Variants in MYO18B observed in about 807,000 individuals in gnomAD.
MYO18B encodes myosin XVIIIB, also known as unconventional myosin-XVIIIb.
Under a neutral mutation model 273.0 loss-of-function variants are expected in MYO18B, and 204 were observed. The observed-to-expected ratio is 0.75, with a 90% CI of 0.67 to 0.84. The LOEUF (loss-of-function observed/expected upper bound fraction) is 0.84. MYO18B is among the 40% of genes least tolerant of loss of function. MYO18B has a pLI of 0.00. For synonymous variants in MYO18B, 1,330 were observed against 1,305.7 expected, an observed-to-expected ratio of 1.02 and a Z score of -0.40; for missense variants, 3,212 against 3,287.6, an observed-to-expected ratio of 0.98 and a Z score of 0.56.
At chr22:25,760,753 A>G (rs993713816) in intron 1 of MYO18B, among the ~76,000 whole-genome samples, 10 of 152,218 alleles carry the variant, frequency 6.6e-5, no homozygotes, top group African/African-American at 2.4e-4. Context: ...TTCTGGTTGT[A>G]TAAACGTGTG....
intron 34 of MYO18B, among the ~76,000 whole-genome samples, chr22:25,922,686 G>C (rs1035194708): frequency 8.5e-5 from 13 of 152,102 alleles, no homozygotes; most frequent in Non-Finnish European, 2.9e-5. Context: ...TCCAAACCCA[G>C]TGCCCTTCTC....
intron 32 of MYO18B, among the ~76,000 whole-genome samples, 160 bp downstream of exon 32, chr22:25,908,592 A>G (rs971815305): frequency 1.5e-4 from 23 of 152,232 alleles, no homozygotes; most frequent in African/African-American, 5.5e-4. Context: ...TCAAAGGTGT[A>G]GGAGCGGAAA....
the MYO18B span, among the ~76,000 whole-genome samples, chr22:26,049,228 C>T: frequency 6.6e-6 from 1 of 152,168 alleles, no homozygotes; most frequent in Non-Finnish European, 1.5e-5. Context: ...ATCTGAGATG[C>T]AATGGCAATG....
In MYO18B at chr22:25,890,811, G is replaced by A. The variant is rs757472499; in HGVS notation, c.4370G>A (p.Cys1457Tyr). ...GAGCGCTTCAAAGGTGATGTGGCCTGCCAGGTGCTGGAGAGTGAGCGGGCA... is the reference window on the plus strand; with the variant it reads ...GAGCGCTTCAAAGGTGATGTGGCCTACCAGGTGCTGGAGAGTGAGCGGGCA... ...ADERFKGDVACQVLESERAER... is the reference protein window; with the variant it reads ...ADERFKGDVAYQVLESERAER... Residue 1457 changes from cysteine to tyrosine, a missense_variant, in exon 26 of 44, where the codon TGC (cysteine) becomes TAC (tyrosine). Cys to Tyr is a radical substitution (Grantham distance 194, BLOSUM62 -2). Coordinates refer to ENST00000335473, the MANE Select transcript of MYO18B (RefSeq NM_032608.7). 1 of 1,613,872 alleles carries A rather than the reference G, an allele frequency of 6.2e-7. No individual in the cohort carries two copies. The highest frequency in any genetic ancestry group is 8.5e-7 in the Non-Finnish European group (1 of 1,179,902).
intron 25 of MYO18B, chr22:25,884,708 G>A (rs868181654): frequency 6.6e-6 from 1 of 152,194 alleles, no homozygotes; most frequent in Non-Finnish European, 1.5e-5. Context: ...TGAATGCAGT[G>A]ACCTGACCTT....
At chr22:26,059,592 C>T in the MYO18B span, among the ~76,000 whole-genome samples, 27 of 152,308 alleles carry the variant, frequency 1.8e-4, no homozygotes, top group East Asian at 1.2e-3. Flanking sequence ...GGAAAGAGGA[C>T]GGTGTCTTCC....
intron 20 of MYO18B, among the ~76,000 whole-genome samples, chr22:25,848,684 C>A (rs1368435811): frequency 1.3e-5 from 2 of 152,176 alleles, no homozygotes; most frequent in African/African-American, 2.4e-5. Context: ...ATTAGCTAAT[C>A]TTAGGAGTTG....
intron 17 of MYO18B, among the ~76,000 whole-genome samples, chr22:25,838,805 C>T (rs28848170): frequency 0.022 from 3,272 of 152,022 alleles, 90 homozygotes; most frequent in East Asian, 0.11. Flanking sequence ...CATTGTATAA[C>T]TGTATGTGTG....
rs2089304286 is a variant in MYO18B, at chr22:25,822,118, C to T, written c.2522-1387C>T. On this transcript the variant is annotated intron_variant, in intron 12 of 43. Coordinates refer to ENST00000335473, the MANE Select transcript of MYO18B (RefSeq NM_032608.7). ...CTCTCCATTGATTCTTTAATCCCGT[C>T]TGGTTCCTCTCCCCACCCCGTTACA... 2.0e-5 allele frequency among the ~76,000 whole-genome samples: 3 copies of T among 152,316 alleles called. No homozygotes were observed. In the South Asian group the frequency reaches 6.2e-4, roughly 32 times the overall value.
chr22:26,027,219 G>T lies in MYO18B; in HGVS notation c.7245G>T (p.Met2415Ile), dbSNP rs767671253. The change falls in exon 43 of 44, where the codon ATG becomes ATT. Residue 2415 changes from methionine (M) to isoleucine (I), a missense_variant. Physicochemically the swap from Met to Ile is conservative, Grantham distance 10. Coordinates refer to ENST00000335473, the MANE Select transcript of MYO18B (RefSeq NM_032608.7). The surrounding 1 kb of genome is among the most constrained non-coding windows in gnomAD (Gnocchi z 4.1). ...AGAACCGCCAGTTTGCCCACCTGAT[G>T]GAGGAACCTCTAGGCAGTGACCCAT... ...VFQNRQFAHL[M>I]EEPLGSDPFS... The T allele has an allele frequency of 2.6e-5, 42 of 1,613,922 alleles. No individual in the cohort carries two copies. The highest frequency in any genetic ancestry group is 3.4e-5 in the Non-Finnish European group (40 of 1,179,892).
intron 40 of MYO18B, among the ~76,000 whole-genome samples, chr22:25,999,785 A>G (rs1933771100): frequency 6.6e-6 from 1 of 151,818 alleles, no homozygotes; most frequent in South Asian, 2.1e-4. Context: ...CCTCCCGAGT[A>G]GCTGGGACTA....
chr22:26,021,113 C>T (rs578112833), intron 42 of MYO18B, among the ~76,000 whole-genome samples: 8 of 152,196 alleles, frequency 5.3e-5, no homozygotes, highest in Non-Finnish European at 8.8e-5. Context: ...AGAAAAAATA[C>T]CTGGCTTGGA....
intron 34 of MYO18B, among the ~76,000 whole-genome samples, chr22:25,943,131 C>A (rs917298188): frequency 3.3e-5 from 5 of 152,256 alleles, no homozygotes; most frequent in African/African-American, 9.6e-5. Context: ...TGCCTCCTGG[C>A]TCCCAGCCCA....
In MYO18B at chr22:25,798,708, C is replaced by T. The variant is rs1355698706; in HGVS notation, c.2521+611C>T. Among the ~76,000 whole-genome samples, 6 of 152,052 alleles carry T rather than the reference C, an allele frequency of 3.9e-5. No individual in the cohort carries two copies. The East Asian group carries it at 9.6e-4, about 24-fold the overall frequency. Reference sequence around the variant, plus strand: ...CTGAGTAGCTGGGACTACAGCTGTGCACCCCCATGCCTGGTTAATATATAT... The same window carrying T: ...CTGAGTAGCTGGGACTACAGCTGTGTACCCCCATGCCTGGTTAATATATAT... On this transcript the variant is annotated intron_variant, in intron 12 of 43. Transcript: ENST00000335473.
intron 33 of MYO18B, among the ~76,000 whole-genome samples, chr22:25,914,676 A>G (rs571600555): frequency 4.5e-4 from 30 of 67,262 alleles, no homozygotes; most frequent in African/African-American, 1.6e-3. Flanking sequence ...AAATAAGAAT[A>G]GTTTTGACTC....
At chr22:26,025,411 T>C (rs1936164029) in intron 42 of MYO18B, among the ~76,000 whole-genome samples, 3 of 152,144 alleles carry the variant, frequency 2.0e-5, no homozygotes, top group Non-Finnish European at 4.4e-5. Context: ...AGTCACCCTT[T>C]ATACATAGAG....
At chr22:25,780,590 C>CG (rs2087101518) in intron 9 of MYO18B, among the ~76,000 whole-genome samples, 1 of 65,218 alleles carries the variant, frequency 1.5e-5, no homozygotes, top group African/African-American at 6.4e-5. Context: ...AACTCCATCT[C>CG]AAAAAAAAAA....
At chr22:25,947,242 T>C (rs1415006608) in intron 35 of MYO18B, among the ~76,000 whole-genome samples, 1 of 151,936 alleles carries the variant, frequency 6.6e-6, no homozygotes, top group Admixed American at 6.6e-5. Context: ...TGCCTCCAAG[T>C]TTATTCATCC....
At chr22:25,914,927 G>A (rs2092235723) in intron 33 of MYO18B, among the ~76,000 whole-genome samples, 1 of 151,116 alleles carries the variant, frequency 6.6e-6, no homozygotes, top group African/African-American at 2.4e-5. Context: ...TCTGTCTCCT[G>A]ACCTCGTGAT....
Sources: gnomAD v4.1 joint callset for allele counts (sites outside exome capture counted in the v4.1 genomes callset) on GRCh38, gnomAD v4.1.1 for gene constraint, Gnocchi (gnomAD v3.1) non-coding constraint, MANE v1.5 for transcripts, NCBI Gene and HGNC (gene_info 2026-07-23, HGNC 2026-07-21) for gene names.